Variants in ACOT12 observed in about 807,000 individuals in gnomAD.
ACOT12 encodes acetyl-coenzyme A thioesterase.
Under a neutral mutation model 67.7 loss-of-function variants are expected in ACOT12, and 51 were observed. That is an observed-to-expected ratio of 0.75 (90% confidence interval 0.60 to 0.95). The LOEUF is 0.95. Ranked by LOEUF, ACOT12 falls within the 40% of genes least tolerant of loss-of-function variation. The probability of loss-of-function intolerance (pLI) is 0.00; values close to 1 mark genes in which losing one functional copy is unlikely to be tolerated. For synonymous variants in ACOT12, 251 were observed against 244.6 expected (o/e 1.03, Z -0.24); for missense variants, 734 against 708.1 (o/e 1.04, Z -0.41).
chr5:81,345,274 C>A (rs891635934), intron 7 of ACOT12, among the ~76,000 whole-genome samples: 1 of 152,162 alleles, frequency 6.6e-6, no homozygotes, highest in Non-Finnish European at 1.5e-5. Flanking sequence ...TTTACTTCCC[C>A]ACTTTCAAGT....
chr5:81,380,381 T>A (rs1270532111), intron 2 of ACOT12, among the ~76,000 whole-genome samples: 3 of 151,926 alleles, frequency 2.0e-5, no homozygotes, highest in Non-Finnish European at 2.9e-5. Context: ...CTGGCCAACA[T>A]GGCAAAGCCC....
At chr5:81,367,361 G>A (rs954669197) in intron 3 of ACOT12, among the ~76,000 whole-genome samples, 1 of 152,060 alleles carries the variant, frequency 6.6e-6, no homozygotes, top group African/African-American at 2.4e-5. Context: ...TAATAACTAT[G>A]TATTGTAGGG....
intron 3 of ACOT12, among the ~76,000 whole-genome samples, chr5:81,366,403 G>A (rs980030359): frequency 3.9e-5 from 6 of 152,112 alleles, no homozygotes; most frequent in Non-Finnish European, 8.8e-5. Context: ...TAACAACAAA[G>A]GATACTAAAA....
the ACOT12 span, chr5:81,308,642 A>G: frequency 4.3e-6 from 7 of 1,613,814 alleles, no homozygotes; most frequent in Non-Finnish European, 5.9e-6. Context: ...GGGCACTGGG[A>G]TATGTTACAG....
intron 5 of ACOT12, among the ~76,000 whole-genome samples, chr5:81,357,781 G>A (rs57817848): frequency 0.17 from 25,107 of 151,990 alleles, 2,255 homozygotes; most frequent in African/African-American, 0.2. Flanking sequence ...CAAGGTGGGC[G>A]GATCACCTGA....
intron 5 of ACOT12, among the ~76,000 whole-genome samples, chr5:81,351,056 A>C (rs1759538299): frequency 6.6e-6 from 1 of 152,140 alleles, no homozygotes; most frequent in Admixed American, 6.5e-5. Flanking sequence ...GCCTGCTGAG[A>C]TGTGTTTGCA....
chr5:81,330,598 C>G, intron 14 of ACOT12, 55 bp from the exon 15 acceptor site: 1 of 1,587,368 alleles, frequency 6.3e-7, no homozygotes, highest in Non-Finnish European at 8.6e-7. Context: ...GGAGCTTTTT[C>G]AAGAAAGGAT....
At chr5:81,319,535 T>C in the ACOT12 span, among the ~76,000 whole-genome samples, 1 of 152,128 alleles carries the variant, frequency 6.6e-6, no homozygotes, top group African/African-American at 2.4e-5. Context: ...CTGACCAACA[T>C]GGAGAAACCC....
intron 2 of ACOT12, among the ~76,000 whole-genome samples, chr5:81,378,496 T>C (rs1760485461): frequency 6.6e-6 from 1 of 152,150 alleles, no homozygotes; most frequent in Admixed American, 6.5e-5. Flanking sequence ...GGGATCTAAT[T>C]AAACTAAAGA....
intron 11 of ACOT12, among the ~76,000 whole-genome samples, chr5:81,340,840 A>G (rs1348098705): frequency 6.6e-6 from 1 of 152,268 alleles, no homozygotes; most frequent in South Asian, 2.1e-4. Flanking sequence ...GATTTTTATC[A>G]TAAGTATAAT....
chr5:81,367,146 A>AT (rs1760105239), intron 3 of ACOT12, among the ~76,000 whole-genome samples: 1 of 152,160 alleles, frequency 6.6e-6, no homozygotes, highest in Non-Finnish European at 1.5e-5. Context: ...AAACAAACAC[A>AT]TTTTTACACG....
chr5:81,327,620 T>C (rs530819133), downstream of ACOT12, among the ~76,000 whole-genome samples: 2 of 152,320 alleles, frequency 1.3e-5, no homozygotes, highest in South Asian at 4.1e-4. Context: ...TTTGTATTTT[T>C]AGTAAAGACG....
At chr5:81,358,720 G>A (rs1432776092) in intron 5 of ACOT12, among the ~76,000 whole-genome samples, 2 of 151,992 alleles carry the variant, frequency 1.3e-5, no homozygotes, top group Non-Finnish European at 2.9e-5. Flanking sequence ...GTGGTGGCAC[G>A]CGCCTATAAT....
chr5:81,361,082 A>C (rs1347131514), intron 4 of ACOT12, among the ~76,000 whole-genome samples: 1 of 149,560 alleles, frequency 6.7e-6, no homozygotes, highest in Non-Finnish European at 1.5e-5. Flanking sequence ...CATCTCAAAA[A>C]AAAAAAAAAA....
chr5:81,337,198 G>A (rs1335857016), intron 11 of ACOT12, among the ~76,000 whole-genome samples: 1 of 152,182 alleles, frequency 6.6e-6, no homozygotes, highest in Non-Finnish European at 1.5e-5. Flanking sequence ...TGGTAGGTAA[G>A]TGGCTCTAGG....
intron 2 of ACOT12, among the ~76,000 whole-genome samples, chr5:81,380,782 A>ACTTACAGT (rs1470815115): frequency 6.6e-6 from 1 of 152,150 alleles, no homozygotes; most frequent in Non-Finnish European, 1.5e-5. Context: ...ATGAATATCT[A>ACTTACAGT]CTTACAGTTA....
chr5:81,386,987 T>C (rs1206216190), intron 1 of ACOT12, among the ~76,000 whole-genome samples: 2 of 147,274 alleles, frequency 1.4e-5, no homozygotes, highest in African/African-American at 5.0e-5. Flanking sequence ...CTGAGTTGGA[T>C]GAGTTCCATT....
At chr5:81,357,131 A>G (rs147146168) in intron 5 of ACOT12, among the ~76,000 whole-genome samples, 3 of 152,130 alleles carry the variant, frequency 2.0e-5, no homozygotes, top group Non-Finnish European at 4.4e-5. Context: ...CTGCTACGCA[A>G]TTCCTCGCCT....
At chr5:81,349,528 C>T (rs548966132) in intron 5 of ACOT12, among the ~76,000 whole-genome samples, 52 of 152,324 alleles carry the variant, frequency 3.4e-4, no homozygotes, top group African/African-American at 1.1e-3. Flanking sequence ...TTCACTCATA[C>T]TCTGTGGCCC....
Sources: allele counts gnomAD v4.1 joint callset (sites outside exome capture counted in the v4.1 genomes callset), GRCh38; gene constraint gnomAD v4.1.1; transcripts MANE v1.5; gene names NCBI Gene and HGNC (gene_info 2026-07-23, HGNC 2026-07-21).